CABLES2: variants seen among roughly 807,000 people sequenced by gnomAD.
CABLES2 encodes Cdk5 and Abl enzyme substrate 2.
CABLES2 carries 35 observed loss-of-function variants against 44.8 expected under a neutral mutation model. The observed-to-expected ratio is 0.78, with a 90% CI of 0.60 to 1.04. The LOEUF is 1.04. Among genes scored for constraint, CABLES2 ranks in the 50% least tolerant of loss-of-function variants. The pLI is 0.00. For missense variants in CABLES2, 566 were observed against 615.7 expected (o/e 0.92, Z 0.85); for synonymous variants, 282 against 281.1 (o/e 1.00, Z -0.03).
At chr20:62,394,383 G>A (rs377034212) in intron 4 of CABLES2, 118 bp from the exon 5 acceptor site, 32 of 736,434 alleles carry the variant, frequency 4.3e-5, no homozygotes, top group Non-Finnish European at 5.6e-5. Context: ...ACAGCCCCTC[G>A]GGAAAGAAAG....
At chr20:62,397,492 T>C (rs1231184748) in intron 1 of CABLES2, among the ~76,000 whole-genome samples, 1 of 152,166 alleles carries the variant, frequency 6.6e-6, no homozygotes, top group Non-Finnish European at 1.5e-5. Context: ...ACGCACTTCC[T>C]TGAAGACCCC....
Position 62,393,457 on chromosome 20 carries a change from G to T in CABLES2, c.863C>A (p.Pro288Gln). 1.9e-6 allele frequency: 3 copies of T among 1,609,186 alleles called. No homozygotes were observed. Among genetic ancestry groups the T allele is most frequent in the Non-Finnish European group, 2.5e-6 (3 of 1,177,392 alleles). The change falls in exon 6 of 10, where the codon CCA (proline) becomes CAA (glutamine). Residue 288 changes from proline to glutamine, a missense_variant. Pro to Gln is a moderately conservative substitution (Grantham distance 76). Transcript: ENST00000279101. ...RHKPAPTKSA[P>Q]ASTELGSDVG... ...TGGGCTACCTAGTTCTGTGCTGGCT[G>T]GTGCCGACTTGGTGGGGGCAGGTTT...
At chr20:62,393,748 G>T in intron 5 of CABLES2, 143 bp from the exon 6 acceptor site, 1 of 853,108 alleles carries the variant, frequency 1.2e-6, no homozygotes, top group Non-Finnish European at 1.8e-6. Context: ...AGCCGTTGAG[G>T]CTGCGTCTGA....
At position 62,396,634 on chromosome 20, in the gene CABLES2, G is replaced by T; in HGVS notation, c.363-42C>A. Reference sequence around the variant, plus strand: ...GAGCCTCAAAACAGGCCACCAGCCCGGGTGCCGCCTTTGTGGCCAGAAACC... The same window carrying T: ...GAGCCTCAAAACAGGCCACCAGCCCTGGTGCCGCCTTTGTGGCCAGAAACC... On this transcript the variant is annotated intron_variant, in intron 1 of 9. Transcript: ENST00000279101. The surrounding 1 kb of genome is among the most constrained non-coding windows in gnomAD (Gnocchi z 5.7). 1 of 1,575,396 alleles carries T rather than the reference G, an allele frequency of 6.3e-7. No individual in the cohort carries two copies. The highest frequency in any genetic ancestry group is 1.7e-4 in the Middle Eastern group (1 of 5,988).
chr20:62,397,795 G>A lies in CABLES2; in HGVS notation c.363-1203C>T, dbSNP rs188562317. Among the ~76,000 whole-genome samples the A allele has an allele frequency of 1.9e-4, 29 of 152,222 alleles. 1 individual carries two copies. Among genetic ancestry groups the A allele is most frequent in the East Asian group, 3.9e-4 (2 of 5,170 alleles). ...AGTATTGGAAAACCACTCCAATTGC[G>A]ATGACAATGATGGGCGATGTGGCGT... On this transcript the variant is annotated intron_variant, in intron 1 of 9. Coordinates refer to ENST00000279101, the MANE Select transcript of CABLES2 (RefSeq NM_031215.3).
intron 1 of CABLES2, among the ~76,000 whole-genome samples, chr20:62,398,239 G>T (rs1295593115): frequency 1.4e-5 from 2 of 143,290 alleles, no homozygotes; most frequent in East Asian, 2.1e-4. Flanking sequence ...TGACGGTGGT[G>T]ATGATGGTGA....
chr20:62,396,543 C>G lies in CABLES2; in HGVS notation c.412G>C (p.Val138Leu). ...TACCTCTGTGCTGGAGCGCATCCCA[C>G]GGCATCTTCCAGAAACTCCAGGGAG... ...RCSLEFLEDA[V>L]GCAPAQRTKH... is the part of the protein sequence containing the mutation. The change falls in exon 2 of 10, where the codon GTG becomes CTG. Residue 138 changes from valine to leucine, a missense_variant. By Grantham distance (32) the Val-to-Leu change is conservative. Coordinates refer to ENST00000279101, the MANE Select transcript of CABLES2 (RefSeq NM_031215.3). This position sits in a 1 kb window ranked among gnomAD's most constrained non-coding sequence, Gnocchi z 5.7. The G allele has an allele frequency of 6.2e-7, 1 of 1,613,716 alleles. No homozygotes were observed. Among genetic ancestry groups the G allele is most frequent in the Non-Finnish European group, 8.5e-7 (1 of 1,179,926 alleles).
At chr20:62,393,075 T>A in intron 6 of CABLES2, 52 bp from the exon 7 acceptor site, 1 of 1,502,332 alleles carries the variant, frequency 6.7e-7, no homozygotes, top group Non-Finnish European at 9.3e-7. Flanking sequence ...AGTACCCATC[T>A]AGCCCCAAGG....
chr20:62,390,057 TA>T lies in CABLES2; in HGVS notation c.*913del, dbSNP rs139103327. The T allele has an allele frequency of 3.8e-4, 56 of 147,336 alleles. 1 individual carries two copies. The highest frequency in any genetic ancestry group is 1.6e-3 in the Admixed American group (24 of 14,782). The allele number at this position is 147,336 out of a possible 1,614,324, so 9.1% of individuals were successfully genotyped here. On this transcript the variant is annotated 3_prime_UTR_variant, in exon 10 of 10. Transcript: ENST00000279101. ...CTCATTTAACCATTTTTTGTTCCCT[TA>T]AAAAAAAAAGACCCAAAAAACCAAA...
intron 3 of CABLES2, among the ~76,000 whole-genome samples, chr20:62,395,329 C>T (rs1010689129): frequency 6.6e-6 from 1 of 152,228 alleles, no homozygotes; most frequent in African/African-American, 2.4e-5. Flanking sequence ...GCGGGTAGGG[C>T]TGGCGGCCTC....
At chr20:62,395,982 C>T (rs1386659494) in intron 3 of CABLES2, among the ~76,000 whole-genome samples, 1 of 152,256 alleles carries the variant, frequency 6.6e-6, no homozygotes, top group African/African-American at 2.4e-5. Context: ...AAGCCCAGCC[C>T]TCCTCCCCAC....
Position 62,391,541 on chromosome 20 carries a change from C to A in CABLES2, c.1092-88G>T. ...CTGCCACCACCAACCGAGGCTGGAG[C>A]GATGTAGCTTTGGGCCGCAAGAAAC... On this transcript the variant is annotated intron_variant, in intron 8 of 9. Transcript: ENST00000279101. This position sits in a 1 kb window ranked among gnomAD's most constrained non-coding sequence, Gnocchi z 5.7. 2 of 1,383,424 alleles carry A rather than the reference C, an allele frequency of 1.4e-6. No homozygotes were observed. The highest frequency in any genetic ancestry group is 2.0e-6 in the Non-Finnish European group (2 of 981,042). 85.7% of individuals were successfully genotyped at this position (1,383,424 alleles called of 1,614,324 possible).
At chr20:62,394,415 AG>A (rs1489258458) in intron 4 of CABLES2, 150 bp from the exon 5 acceptor site, 13 of 638,458 alleles carry the variant, frequency 2.0e-5, no homozygotes, top group Non-Finnish European at 3.6e-5. Flanking sequence ...GTGACCAGGA[AG>A]GCGCACGTCA....
chr20:62,396,386 T>C lies in CABLES2; in HGVS notation c.456A>G (p.Ser152=). The C allele has an allele frequency of 6.2e-7, 1 of 1,614,058 alleles. No individual in the cohort carries two copies. Among genetic ancestry groups the C allele is most frequent in the Non-Finnish European group, 8.5e-7 (1 of 1,180,004 alleles). The change falls in exon 3 of 10, where the codon TCA becomes TCG. Residue 152 remains serine (S), a synonymous_variant. Coordinates refer to ENST00000279101, the MANE Select transcript of CABLES2 (RefSeq NM_031215.3). The surrounding 1 kb of genome is among the most constrained non-coding windows in gnomAD (Gnocchi z 5.7). ...TCTTCTTCAGGCCTTTATGTCTCGG[T>C]GATCCAGATGTGTGTTTGGTTCTGC... The part of the protein sequence containing the change: ...PAQRTKHTSG[S]PRHKGLKKTH...
intron 3 of CABLES2, among the ~76,000 whole-genome samples, chr20:62,395,903 T>C (rs1988009428): frequency 6.6e-6 from 1 of 152,232 alleles, no homozygotes; most frequent in Admixed American, 6.5e-5. Flanking sequence ...CGGTGCCAGC[T>C]GCGGCCCTCC....
chr20:62,398,089 C>T (rs151041365), intron 1 of CABLES2, among the ~76,000 whole-genome samples: 30,618 of 53,272 alleles, frequency 0.57, 6,919 homozygotes, highest in South Asian at 0.66. Flanking sequence ...GTGGTGGTGA[C>T]GGTGGTGGTG....
intron 1 of CABLES2, chr20:62,405,175 A>G (rs1253523593): frequency 6.6e-6 from 1 of 152,314 alleles, no homozygotes; most frequent in Non-Finnish European, 1.5e-5. Context: ...GGACTGAGGG[A>G]GAAAGCTGTT....
rs775594319 is a variant in CABLES2 at position 62,395,032 on chromosome 20, CAG to C, written c.528-20_528-19del. On this transcript the variant is annotated intron_variant, in intron 3 of 9. Coordinates refer to ENST00000279101, the MANE Select transcript of CABLES2 (RefSeq NM_031215.3). ...GCACGATCCTGCAGGGGGACGGAGTCAGGGGAGACGGGGCCGGGGAGCGGGGC... is the reference window on the plus strand; with the variant it reads ...GCACGATCCTGCAGGGGGACGGAGTCGGGAGACGGGGCCGGGGAGCGGGGC... The C allele has an allele frequency of 4.4e-6, 7 of 1,608,666 alleles. No homozygotes were observed. The highest frequency in any genetic ancestry group is 1.6e-4 in the Middle Eastern group (1 of 6,068).
chr20:62,395,531 G>A (rs1988002321), intron 3 of CABLES2, among the ~76,000 whole-genome samples: 1 of 152,342 alleles, frequency 6.6e-6, no homozygotes, highest in East Asian at 1.9e-4. Flanking sequence ...GAGCAGCCGG[G>A]CCCCGGGCCC....
Sources: allele counts gnomAD v4.1 joint callset (sites outside exome capture counted in the v4.1 genomes callset), GRCh38; gene constraint gnomAD v4.1.1; non-coding constraint Gnocchi (gnomAD v3.1); transcripts MANE v1.5; gene names NCBI Gene and HGNC (gene_info 2026-07-23, HGNC 2026-07-21).